DCBLD2: variants seen among roughly 807,000 people sequenced by gnomAD.
The protein encoded by DCBLD2 is discoidin, CUB and LCCL domain containing 2, also known as discoidin, CUB and LCCL domain-containing protein 2.
A neutral mutation model predicts 86.8 loss-of-function variants in DCBLD2; 54 were observed. The ratio of observed to expected loss-of-function variants is 0.62; its 90% CI spans 0.50 to 0.78. DCBLD2 has a LOEUF of 0.78. Ranked by LOEUF, DCBLD2 falls within the 30% of genes least tolerant of loss-of-function variation. DCBLD2 has a pLI of 0.00. For synonymous variants in DCBLD2, 354 were observed against 341.3 expected (o/e 1.04, Z -0.41); for missense variants, 908 against 954.2 (o/e 0.95, Z 0.64).
chr3:98,856,996 G>A (rs1417946484), intron 2 of DCBLD2, among the ~76,000 whole-genome samples: 1 of 152,164 alleles, frequency 6.6e-6, no homozygotes, highest in Admixed American at 6.5e-5. Flanking sequence ...CTTCAAGAAC[G>A]AAGCCGCAGA....
chr3:98,871,195 T>G (rs1943277486), intron 2 of DCBLD2, among the ~76,000 whole-genome samples: 1 of 152,138 alleles, frequency 6.6e-6, no homozygotes, highest in South Asian at 2.1e-4. Context: ...GAGGAGTCTT[T>G]AGAATTTTCA....
intron 3 of DCBLD2, among the ~76,000 whole-genome samples, chr3:98,847,678 G>A (rs1942751890): frequency 6.6e-6 from 1 of 152,100 alleles, no homozygotes; most frequent in Admixed American, 6.5e-5. Flanking sequence ...ACAACTAGGA[G>A]GTTCTTGAGA....
chr3:98,808,251 C>T (rs1382854981), intron 12 of DCBLD2, 77 bp from the exon 13 acceptor site: 1 of 1,268,694 alleles, frequency 7.9e-7, no homozygotes, highest in Non-Finnish European at 1.1e-6. Context: ...GGAAAATTAA[C>T]CACATCATCT....
chr3:98,893,646 A>G (rs962214711), intron 1 of DCBLD2, among the ~76,000 whole-genome samples: 1 of 152,202 alleles, frequency 6.6e-6, no homozygotes, highest in African/African-American at 2.4e-5. Flanking sequence ...AAAAGCAGAG[A>G]TACAAGGTAC....
At chr3:98,882,045 TG>T (rs1314909148) in intron 1 of DCBLD2, among the ~76,000 whole-genome samples, 3 of 152,208 alleles carry the variant, frequency 2.0e-5, no homozygotes, top group Non-Finnish European at 4.4e-5. Flanking sequence ...TACATAATTT[TG>T]TTAACTATAG....
intron 3 of DCBLD2, among the ~76,000 whole-genome samples, chr3:98,837,764 C>T (rs371298413): frequency 3.2e-3 from 252 of 79,638 alleles, no homozygotes; most frequent in Middle Eastern, 0.019. Flanking sequence ...CCAGTAGGGG[C>T]GGCCGGGCAG....
intron 3 of DCBLD2, among the ~76,000 whole-genome samples, chr3:98,834,193 G>A (rs1232755397): frequency 6.4e-5 from 8 of 124,464 alleles, no homozygotes; most frequent in Non-Finnish European, 1.3e-4. Context: ...CATAATAGAT[G>A]TACCTATTTT....
intron 2 of DCBLD2, among the ~76,000 whole-genome samples, chr3:98,866,456 G>A (rs1943147145): frequency 6.6e-6 from 1 of 152,092 alleles, no homozygotes; most frequent in Non-Finnish European, 1.5e-5. Context: ...TTCTCTGATG[G>A]CCAGTGATGA....
chr3:98,799,461 C>T lies in DCBLD2; in HGVS notation c.2239G>A (p.Glu747Lys), dbSNP rs576188055. Residue 747 changes from glutamate (E) to lysine (K), a missense_variant, in exon 16 of 16, where the codon GAA becomes AAA. Transcript: ENST00000326840. ...AGKPGLPAPD[E>K]LVYQVPQSTQ... is the part of the protein sequence containing the mutation. ...CTCTGTGGCACCTGGTACACCAATT[C>T]GTCTGGGGCAGGTAGACCTGGCTTC... The T allele has an allele frequency of 3.1e-6, 5 of 1,614,022 alleles. No homozygotes were observed. The highest frequency in any genetic ancestry group is 2.2e-5 in the East Asian group (1 of 44,884).
chr3:98,807,938 G>T, intron 13 of DCBLD2, 143 bp downstream of exon 13: 1 of 539,380 alleles, frequency 1.9e-6, no homozygotes, highest in South Asian at 5.1e-5. Flanking sequence ...TTTTTAATGG[G>T]AATAAAGGAG....
chr3:98,860,671 C>T (rs368410387), intron 2 of DCBLD2, among the ~76,000 whole-genome samples: 3 of 152,200 alleles, frequency 2.0e-5, no homozygotes, highest in Admixed American at 6.5e-5. Flanking sequence ...GACAAGCAAA[C>T]GCTGACAGAT....
intron 1 of DCBLD2, among the ~76,000 whole-genome samples, chr3:98,892,324 CTCTT>C (rs1188098924): frequency 6.6e-6 from 1 of 152,084 alleles, no homozygotes; most frequent in Non-Finnish European, 1.5e-5. Flanking sequence ...AAATGTAACA[CTCTT>C]TCTCCTAGAA....
chr3:98,815,605 T>C (rs1206776840), intron 9 of DCBLD2: 2 of 151,986 alleles, frequency 1.3e-5, no homozygotes, highest in South Asian at 2.1e-4. Context: ...ATATATGACA[T>C]AGGATAACAT....
intron 3 of DCBLD2, among the ~76,000 whole-genome samples, chr3:98,842,715 T>C (rs1347022295): frequency 6.6e-6 from 1 of 152,226 alleles, no homozygotes; most frequent in Non-Finnish European, 1.5e-5. Flanking sequence ...AGCAATAAAC[T>C]ATGTAGTCAA....
chr3:98,845,177 T>C (rs1295893780), intron 3 of DCBLD2, among the ~76,000 whole-genome samples: 1 of 152,010 alleles, frequency 6.6e-6, no homozygotes, highest in Non-Finnish European at 1.5e-5. Flanking sequence ...TAACTGGTAA[T>C]GAAAAAAGCT....
At chr3:98,844,439 C>T (rs1167413536) in intron 3 of DCBLD2, among the ~76,000 whole-genome samples, 2 of 151,658 alleles carry the variant, frequency 1.3e-5, no homozygotes, top group African/African-American at 4.8e-5. Flanking sequence ...CTCACTGCAA[C>T]CTTCGCCTCC....
intron 1 of DCBLD2, among the ~76,000 whole-genome samples, chr3:98,897,044 T>C (rs781310276): frequency 3.3e-5 from 5 of 152,218 alleles, no homozygotes; most frequent in Non-Finnish European, 5.9e-5. Context: ...CTTTCCCACA[T>C]ACATGATCTA....
At chr3:98,893,889 A>G (rs1415750734) in intron 1 of DCBLD2, among the ~76,000 whole-genome samples, 1 of 152,230 alleles carries the variant, frequency 6.6e-6, no homozygotes, top group African/African-American at 2.4e-5. Context: ...CAGCTTTACA[A>G]AGTGAGATAG....
chr3:98,865,296 A>G (rs1943122930), intron 2 of DCBLD2, among the ~76,000 whole-genome samples: 1 of 152,174 alleles, frequency 6.6e-6, no homozygotes, highest in South Asian at 2.1e-4. Context: ...TAAAAAAAAA[A>G]GAAACCCTGA....
Sources: allele counts gnomAD v4.1 joint callset (sites outside exome capture counted in the v4.1 genomes callset), GRCh38; gene constraint gnomAD v4.1.1; transcripts MANE v1.5; gene names NCBI Gene and HGNC (gene_info 2026-07-23, HGNC 2026-07-21).